Variants in ITSN1 observed in about 807,000 individuals in gnomAD.
ITSN1 encodes intersectin-1.
ITSN1 carries 58 observed loss-of-function variants against 239.8 expected under a neutral mutation model. That is an observed-to-expected ratio of 0.24 (90% CI 0.20 to 0.30). The LOEUF is 0.30. ITSN1 is among the 10% of genes least tolerant of loss of function. The pLI is 1.00. For synonymous variants in ITSN1, 780 were observed against 770.8 expected (o/e 1.01, Z -0.20); for missense variants, 1,558 against 2,103.3 (o/e 0.74, Z 5.07).
intron 4 of ITSN1, among the ~76,000 whole-genome samples, chr21:33,725,967 C>G (rs1276916057): frequency 1.3e-5 from 2 of 152,088 alleles, no homozygotes; most frequent in Non-Finnish European, 2.9e-5. Flanking sequence ...TACTTGATCT[C>G]TTAAAGCCTA....
intron 5 of ITSN1, among the ~76,000 whole-genome samples, chr21:33,741,747 T>C (rs2066862530): frequency 8.2e-6 from 1 of 121,404 alleles, no homozygotes; most frequent in Non-Finnish European, 1.8e-5. Context: ...AAAAAAAAAT[T>C]AACCAAGCAT....
Position 33,818,479 on chromosome 21 carries a change from T to C in ITSN1, c.2933+7T>C. 6.2e-7 allele frequency: 1 copy of C among 1,608,826 alleles called. No individual in the cohort carries two copies. Among genetic ancestry groups the C allele is most frequent in the African/African-American group, 1.3e-5 (1 of 74,918 alleles). On this transcript the variant is annotated splice_region_variant and intron_variant, in intron 23 of 39. Coordinates refer to ENST00000381318, the MANE Select transcript of ITSN1 (RefSeq NM_003024.3). ...CCATAAGGAAGTCTACAAGGTATTT[T>C]TGTATTTATCTGCTTGTATTTGATG...
At chr21:33,849,004 GC>G (rs1464226660) in intron 29 of ITSN1, among the ~76,000 whole-genome samples, 1 of 152,238 alleles carries the variant, frequency 6.6e-6, no homozygotes, top group Non-Finnish European at 1.5e-5. Flanking sequence ...ACTTTGGGAG[GC>G]CGAGGCGGGC....
intron 5 of ITSN1, among the ~76,000 whole-genome samples, chr21:33,736,846 A>G (rs925268861): frequency 6.6e-6 from 1 of 152,196 alleles, no homozygotes; most frequent in Non-Finnish European, 1.5e-5. Context: ...TTAACCAGGC[A>G]TAGTGGTGGG....
intron 1 of ITSN1, among the ~76,000 whole-genome samples, chr21:33,644,713 A>G (rs1236856232): frequency 6.6e-6 from 1 of 151,454 alleles, no homozygotes; most frequent in Admixed American, 6.6e-5. Flanking sequence ...CTTATCTTCA[A>G]TATTGGTAGT....
chr21:33,832,294 C>T (rs2074339897), intron 27 of ITSN1, among the ~76,000 whole-genome samples: 2 of 152,190 alleles, frequency 1.3e-5, no homozygotes, highest in South Asian at 2.1e-4. Context: ...GCACCGTGTC[C>T]CTCCCCTGAG....
Position 33,803,669 on chromosome 21 carries a change from G to A in ITSN1, c.2319+1225G>A, listed in dbSNP as rs139340623. On this transcript the variant is annotated intron_variant, in intron 20 of 39. Coordinates refer to ENST00000381318, the MANE Select transcript of ITSN1 (RefSeq NM_003024.3). ...TGGTTACCACTGGGCAGTAAAGAAGGGGCTTTCGTGTTGAATTTTATAGAC... is the reference window on the plus strand; with the variant it reads ...TGGTTACCACTGGGCAGTAAAGAAGAGGCTTTCGTGTTGAATTTTATAGAC... 1.7e-3 allele frequency among the ~76,000 whole-genome samples: 252 copies of A among 152,104 alleles called. 1 individual carries two copies. The highest frequency in any genetic ancestry group is 5.7e-3 in the African/African-American group (236 of 41,494).
intron 1 of ITSN1, among the ~76,000 whole-genome samples, chr21:33,675,819 T>C (rs957811771): frequency 6.6e-6 from 1 of 152,252 alleles, no homozygotes; most frequent in African/African-American, 2.4e-5. Flanking sequence ...ATTTCTGCTC[T>C]TGTCCTTGTC....
At chr21:33,655,369 C>T (rs915048000) in intron 1 of ITSN1, among the ~76,000 whole-genome samples, 1 of 152,122 alleles carries the variant, frequency 6.6e-6, no homozygotes, top group Non-Finnish European at 1.5e-5. Context: ...TTATGTGCAT[C>T]TGTATAGGGG....
chr21:33,682,218 CT>C (rs1328131757), intron 1 of ITSN1, among the ~76,000 whole-genome samples: 220 of 140,132 alleles, frequency 1.6e-3, no homozygotes, highest in Middle Eastern at 3.7e-3. Flanking sequence ...TCTTTCTTTT[CT>C]TTTTTTTTTT....
intron 23 of ITSN1, among the ~76,000 whole-genome samples, chr21:33,818,699 A>G (rs970515428): frequency 1.3e-5 from 2 of 152,144 alleles, no homozygotes; most frequent in African/African-American, 4.8e-5. Context: ...TCATTGCCTT[A>G]TGCAAGAAGG....
chr21:33,827,770 G>A (rs926780467), intron 26 of ITSN1, among the ~76,000 whole-genome samples: 4 of 152,248 alleles, frequency 2.6e-5, no homozygotes, highest in African/African-American at 9.6e-5. Context: ...TACGGTTTCT[G>A]TGGCACGTCT....
rs775557166 is a variant in ITSN1 at position 33,794,372 on chromosome 21, T to G, written c.1856T>G (p.Leu619Arg). 3 of 1,613,622 alleles carry G rather than the reference T, an allele frequency of 1.9e-6. No individual in the cohort carries two copies. The highest frequency in any genetic ancestry group is 1.7e-6 in the Non-Finnish European group (2 of 1,179,876). The change falls in exon 17 of 40, where the codon CTC becomes CGC. Residue 619 changes from leucine (L) to arginine (R), a missense_variant. This residue lies in a region of ITSN1 where 982 missense variants were observed against 1,209.9 expected (regional missense o/e 0.81). Coordinates refer to ENST00000381318, the MANE Select transcript of ITSN1 (RefSeq NM_003024.3). ...ELREIHNKQQ[L>R]QKQKSMEAER... Reference sequence around the variant, plus strand: ...AGAGAAATACACAATAAGCAACAACTCCAGAAGCAAAAGTCCATGGAGGCT... The same window carrying G: ...AGAGAAATACACAATAAGCAACAACGCCAGAAGCAAAAGTCCATGGAGGCT...
chr21:33,808,079 C>G (rs1002650442), intron 20 of ITSN1, among the ~76,000 whole-genome samples: 1 of 151,238 alleles, frequency 6.6e-6, no homozygotes, highest in Non-Finnish European at 1.5e-5. Flanking sequence ...CCCAGCTACT[C>G]GGGAGGCTGA....
At chr21:33,805,548 T>G (rs1025510762) in intron 20 of ITSN1, among the ~76,000 whole-genome samples, 1 of 152,322 alleles carries the variant, frequency 6.6e-6, no homozygotes, top group African/African-American at 2.4e-5. Context: ...AATAAAGTTT[T>G]ATTGGAACAC....
At chr21:33,670,281 G>A (rs2090185281) in intron 1 of ITSN1, among the ~76,000 whole-genome samples, 1 of 152,158 alleles carries the variant, frequency 6.6e-6, no homozygotes, top group Admixed American at 6.6e-5. Flanking sequence ...CTTCAGCCCA[G>A]GAGTTGGAGG....
At chr21:33,858,496 C>T (rs888906225) in intron 30 of ITSN1, among the ~76,000 whole-genome samples, 190 bp from the exon 31 acceptor site, 1 of 152,160 alleles carries the variant, frequency 6.6e-6, no homozygotes, top group Non-Finnish European at 1.5e-5. Flanking sequence ...CTGGGGACCC[C>T]CCTCCGGTTT....
intron 1 of ITSN1, among the ~76,000 whole-genome samples, chr21:33,658,183 A>G (rs1194178324): frequency 6.6e-6 from 1 of 152,222 alleles, no homozygotes; most frequent in Non-Finnish European, 1.5e-5. Context: ...AAATATATTT[A>G]CTATTCATTA....
chr21:33,870,900 C>G (rs1982590194), intron 33 of ITSN1, among the ~76,000 whole-genome samples: 1 of 152,182 alleles, frequency 6.6e-6, no homozygotes, highest in Non-Finnish European at 1.5e-5. Flanking sequence ...GGACATGGCA[C>G]AGAATTGTGC....
Sources: allele counts gnomAD v4.1 joint callset (sites outside exome capture counted in the v4.1 genomes callset), GRCh38; gene constraint gnomAD v4.1.1; regional missense constraint gnomAD v4.1.1; transcripts MANE v1.5; gene names NCBI Gene and HGNC (gene_info 2026-07-23, HGNC 2026-07-21).